DGKB: variants seen among roughly 807,000 people sequenced by gnomAD.
The protein encoded by DGKB is diacylglycerol kinase beta, also known as 90 kDa diacylglycerol kinase.
A neutral mutation model predicts 114.3 loss-of-function variants in DGKB; 67 were observed. The ratio of observed to expected loss-of-function variants is 0.59; its 90% CI spans 0.48 to 0.72. The LOEUF (loss-of-function observed/expected upper bound fraction) is 0.72, where lower values mean the gene tolerates loss of function less well. Ranked by LOEUF, DGKB falls within the 30% of genes least tolerant of loss-of-function variation. DGKB has a pLI of 0.00. For synonymous variants in DGKB, 398 were observed against 323.1 expected (o/e 1.23, Z -2.49); for missense variants, 907 against 975.2 (o/e 0.93, Z 0.93).
intron 1 of DGKB, among the ~76,000 whole-genome samples, chr7:14,919,062 G>GCGCACACACACACACA (rs1213217913): frequency 3.2e-4 from 38 of 118,138 alleles, no homozygotes; most frequent in Non-Finnish European, 5.4e-4. Context: ...TCCACCACAC[G>GCGCACACACACACACA]CACACACACA....
chr7:14,682,698 G>A lies in DGKB; in HGVS notation c.919-29C>T, dbSNP rs747861413. Reference sequence around the variant, plus strand: ...GAACAGAATGACAACATTGTGATAAGAGGACACACTACATAATGGCCACCT... The same window carrying A: ...GAACAGAATGACAACATTGTGATAAAAGGACACACTACATAATGGCCACCT... On this transcript the variant is annotated intron_variant, in intron 11 of 25. Transcript: ENST00000402815. The A allele has an allele frequency of 4.4e-6, 7 of 1,606,910 alleles. No homozygotes were observed. The South Asian group carries it at 7.7e-5, about 18-fold the overall frequency.
chr7:14,174,245 A>C (rs1458798317), intron 25 of DGKB, among the ~76,000 whole-genome samples: 1 of 152,176 alleles, frequency 6.6e-6, no homozygotes, highest in Non-Finnish European at 1.5e-5. Flanking sequence ...CTGGGTTTCC[A>C]TTTCTACTTT....
chr7:14,451,541 A>ATCTCTCTCTC (rs764731256), intron 21 of DGKB, among the ~76,000 whole-genome samples: 1 of 99,210 alleles, frequency 1.0e-5, no homozygotes, highest in Admixed American at 1.1e-4. Flanking sequence ...AAATCTCTCT[A>ATCTCTCTCTC]TCTGTCTCTC....
chr7:14,469,709 A>C (rs1398376088), intron 21 of DGKB, among the ~76,000 whole-genome samples: 1 of 152,094 alleles, frequency 6.6e-6, no homozygotes, highest in African/African-American at 2.4e-5. Context: ...GCTCAGATCC[A>C]ACAAAGTATT....
intron 21 of DGKB, among the ~76,000 whole-genome samples, chr7:14,367,485 G>T (rs1011088983): frequency 6.6e-6 from 1 of 151,918 alleles, no homozygotes; most frequent in Admixed American, 6.6e-5. Context: ...TTTCCGCCAC[G>T]GTCGTGAGGC....
intron 12 of DGKB, among the ~76,000 whole-genome samples, chr7:14,673,655 T>G (rs1423430988): frequency 6.6e-6 from 1 of 152,088 alleles, no homozygotes; most frequent in Non-Finnish European, 1.5e-5. Flanking sequence ...TATTTATTTT[T>G]TAATATGTAT....
intron 20 of DGKB, among the ~76,000 whole-genome samples, chr7:14,529,801 T>C (rs1791263861): frequency 6.6e-6 from 1 of 151,808 alleles, no homozygotes; most frequent in Admixed American, 6.6e-5. Context: ...ATGGCTTATT[T>C]TGGATTGTCA....
intron 13 of DGKB, among the ~76,000 whole-genome samples, chr7:14,631,551 A>G (rs1809717472): frequency 6.6e-6 from 1 of 152,060 alleles, no homozygotes; most frequent in South Asian, 2.1e-4. Flanking sequence ...CCAACTATCC[A>G]TTCCACAGGA....
chr7:14,369,255 C>CT lies in DGKB; in HGVS notation c.1836-23865dup, dbSNP rs748931594. Among the ~76,000 whole-genome samples the CT allele has an allele frequency of 2.7e-3, 416 of 152,136 alleles. 3 individuals are homozygous for CT. Among genetic ancestry groups the CT allele is most frequent in the Non-Finnish European group, 4.8e-3 (329 of 68,006 alleles). ...TCCCTGCAAAGGACATAAACTCATC[C>CT]TTTTTCGTGGCTGCATAGTATTCCA... On this transcript the variant is annotated intron_variant, in intron 21 of 25. Coordinates refer to ENST00000402815, the MANE Select transcript of DGKB (RefSeq NM_001350709.2).
chr7:14,352,166 C>G (rs1450524452), intron 21 of DGKB, among the ~76,000 whole-genome samples: 3 of 152,136 alleles, frequency 2.0e-5, no homozygotes, highest in African/African-American at 7.2e-5. Flanking sequence ...ATATGCTACT[C>G]CATCTTAGTT....
intron 2 of DGKB, among the ~76,000 whole-genome samples, chr7:14,808,375 T>C (rs1297957180): frequency 6.6e-6 from 1 of 152,024 alleles, no homozygotes; most frequent in Non-Finnish European, 1.5e-5. Flanking sequence ...TTGAGGTAGT[T>C]GTAGAAAATA....
intron 5 of DGKB, among the ~76,000 whole-genome samples, chr7:14,719,399 C>T (rs1338569795): frequency 1.5e-5 from 2 of 131,118 alleles, no homozygotes; most frequent in East Asian, 3.0e-4. Flanking sequence ...ATAATCTAAC[C>T]GAAATATGTT....
intron 20 of DGKB, among the ~76,000 whole-genome samples, chr7:14,534,576 C>T (rs1792121286): frequency 6.6e-6 from 1 of 151,968 alleles, no homozygotes. Context: ...ACTAGATTCT[C>T]TCTATAAGAG....
chr7:14,397,913 TC>T (rs1380882618), intron 21 of DGKB, among the ~76,000 whole-genome samples: 1 of 152,024 alleles, frequency 6.6e-6, no homozygotes, highest in African/African-American at 2.4e-5. Context: ...GAACTGGGAG[TC>T]TTCTCTTTTG....
At chr7:14,617,450 C>T (rs754310866) in intron 15 of DGKB, among the ~76,000 whole-genome samples, 24 of 151,744 alleles carry the variant, frequency 1.6e-4, no homozygotes, top group Non-Finnish European at 2.5e-4. Flanking sequence ...CATCTCTCTA[C>T]TTCCACTGCT....
At chr7:14,844,258 TG>T (rs774024854) in intron 1 of DGKB, among the ~76,000 whole-genome samples, 1 of 152,198 alleles carries the variant, frequency 6.6e-6, no homozygotes, top group Non-Finnish European at 1.5e-5. Context: ...AATGGTGACA[TG>T]TTGGCTGCAA....
At chr7:14,828,975 G>A (rs1308299041) in intron 2 of DGKB, among the ~76,000 whole-genome samples, 1 of 152,026 alleles carries the variant, frequency 6.6e-6, no homozygotes, top group African/African-American at 2.4e-5. Context: ...ATGTTGCTAA[G>A]CAAGAATGTA....
At chr7:14,617,860 G>A (rs1585137038) in intron 15 of DGKB, among the ~76,000 whole-genome samples, 1 of 151,488 alleles carries the variant, frequency 6.6e-6, no homozygotes, top group Non-Finnish European at 1.5e-5. Context: ...TATTAATGGG[G>A]CCTAAACTAG....
chr7:14,682,476 T>A, intron 12 of DGKB, 77 bp downstream of exon 12: 1 of 958,292 alleles, frequency 1.0e-6, no homozygotes, highest in South Asian at 1.5e-5. Flanking sequence ...CCTTCTAGGG[T>A]AGGACTTTCA....
Sources: allele counts gnomAD v4.1 joint callset (sites outside exome capture counted in the v4.1 genomes callset), GRCh38; gene constraint gnomAD v4.1.1; transcripts MANE v1.5; gene names NCBI Gene and HGNC (gene_info 2026-07-23, HGNC 2026-07-21).